Variants in OPCML observed in about 807,000 individuals in gnomAD.
OPCML encodes the protein opioid-binding protein/cell adhesion molecule.
A neutral mutation model predicts 37.8 loss-of-function variants in OPCML; 13 were observed. That is an observed-to-expected ratio of 0.34 (90% CI 0.22 to 0.55). The LOEUF (loss-of-function observed/expected upper bound fraction) is 0.55, where lower values mean the gene tolerates loss of function less well. OPCML is among the 20% of genes least tolerant of loss of function. The pLI is 0.91. For missense variants in OPCML, 341 were observed against 435.6 expected, an observed-to-expected ratio of 0.78 and a Z score of 1.93; for synonymous variants, 176 against 168.8, an observed-to-expected ratio of 1.04 and a Z score of -0.33.
At chr11:132,594,522 C>T (rs2096489503) in intron 3 of OPCML, among the ~76,000 whole-genome samples, 2 of 152,038 alleles carry the variant, frequency 1.3e-5, no homozygotes, top group Admixed American at 1.3e-4. Context: ...TTACATTCAA[C>T]CCTTTTGTAA....
intron 4 of OPCML, among the ~76,000 whole-genome samples, chr11:132,517,566 T>C (rs589721): frequency 0.41 from 61,782 of 152,160 alleles, 14,580 homozygotes; most frequent in Non-Finnish European, 0.55. Context: ...AGAGTCACTG[T>C]GGACCCACTG....
intron 1 of OPCML, among the ~76,000 whole-genome samples, chr11:133,040,637 G>A (rs761876132): frequency 1.4e-4 from 21 of 152,156 alleles, no homozygotes; most frequent in Non-Finnish European, 2.8e-4. Context: ...GAAGTGGCAG[G>A]ACATCGTCCA....
At chr11:133,509,256 T>A (rs920737175) in intron 1 of OPCML, among the ~76,000 whole-genome samples, 1 of 152,172 alleles carries the variant, frequency 6.6e-6, no homozygotes, top group African/African-American at 2.4e-5. Context: ...TTCTGTGATG[T>A]TCGCCTCCCT....
intron 1 of OPCML, among the ~76,000 whole-genome samples, chr11:133,436,636 A>T (rs1946239232): frequency 8.5e-5 from 13 of 152,204 alleles, no homozygotes; most frequent in Admixed American, 8.5e-4. Flanking sequence ...ACTAACTGTA[A>T]AAATGAAAGA....
chr11:132,756,580 T>C (rs1946056378), intron 2 of OPCML, among the ~76,000 whole-genome samples: 1 of 152,194 alleles, frequency 6.6e-6, no homozygotes, highest in Non-Finnish European at 1.5e-5. Context: ...TTGTGTTTCA[T>C]GCATATAATA....
chr11:133,207,757 T>C (rs531635093), intron 1 of OPCML, among the ~76,000 whole-genome samples: 1 of 152,304 alleles, frequency 6.6e-6, no homozygotes, highest in East Asian at 1.9e-4. Context: ...GATTGTCAAA[T>C]GCTATTTGGC....
At chr11:133,043,531 C>T (rs1434472943) in intron 1 of OPCML, among the ~76,000 whole-genome samples, 1 of 152,164 alleles carries the variant, frequency 6.6e-6, no homozygotes, top group Non-Finnish European at 1.5e-5. Context: ...AAATAGATTT[C>T]CAGCCTCACT....
chr11:132,420,070 A>T lies in OPCML; in HGVS notation c.*123T>A. 1 of 786,076 alleles carries T rather than the reference A, an allele frequency of 1.3e-6. No individual in the cohort carries two copies. Among genetic ancestry groups the T allele is most frequent in the Non-Finnish European group, 2.0e-6 (1 of 494,694 alleles). 48.7% of individuals were successfully genotyped at this position (786,076 alleles called of 1,614,324 possible). A position where few individuals can be genotyped will look rare whatever the true frequency, so the allele number is the denominator to read the frequency against. Reference sequence around the variant, plus strand: ...CAAACAAATAAACAAAAACAAAAAGAAAACAAATCTAGAATAACAGAAAAA... The same window carrying T: ...CAAACAAATAAACAAAAACAAAAAGTAAACAAATCTAGAATAACAGAAAAA... On this transcript the variant is annotated 3_prime_UTR_variant, in exon 8 of 8. Coordinates refer to ENST00000524381, the MANE Select transcript of OPCML (RefSeq NM_001012393.5).
intron 1 of OPCML, among the ~76,000 whole-genome samples, chr11:133,051,901 C>T (rs1948138764): frequency 6.6e-6 from 1 of 152,176 alleles, no homozygotes; most frequent in Admixed American, 6.5e-5. Context: ...CCCCAAACAG[C>T]TTTTTGTCAT....
chr11:133,216,733 A>G (rs2136352620), intron 1 of OPCML, among the ~76,000 whole-genome samples: 1 of 152,360 alleles, frequency 6.6e-6, no homozygotes, highest in South Asian at 2.1e-4. Context: ...TGCAAAGACT[A>G]TGGCTTATTA....
intron 2 of OPCML, among the ~76,000 whole-genome samples, chr11:132,778,761 A>G (rs558530156): frequency 7.2e-5 from 11 of 152,174 alleles, no homozygotes; most frequent in Non-Finnish European, 1.6e-4. Context: ...ATCAAGGCCT[A>G]TAGAAATTAA....
chr11:132,976,945 A>G (rs537159348), intron 1 of OPCML, among the ~76,000 whole-genome samples: 4 of 152,174 alleles, frequency 2.6e-5, no homozygotes, highest in African/African-American at 4.8e-5. Flanking sequence ...TGAAATTTTC[A>G]TTGTCTTGGG....
intron 1 of OPCML, among the ~76,000 whole-genome samples, chr11:133,465,011 G>A (rs6590706): frequency 0.21 from 32,361 of 152,106 alleles, 9,219 homozygotes; most frequent in African/African-American, 0.65. Flanking sequence ...TGGTATGTCT[G>A]TTCATTACCT....
intron 2 of OPCML, among the ~76,000 whole-genome samples, chr11:132,761,683 T>C (rs1452270461): frequency 1.3e-5 from 2 of 152,148 alleles, no homozygotes; most frequent in Non-Finnish European, 2.9e-5. Flanking sequence ...TTCTCTTAAC[T>C]GGTTATTCTA....
intron 1 of OPCML, among the ~76,000 whole-genome samples, chr11:133,058,489 T>A (rs775618687): frequency 7.2e-5 from 11 of 152,270 alleles, no homozygotes; most frequent in Non-Finnish European, 1.5e-4. Context: ...AGGTGTCACA[T>A]CGAGCATGCC....
At chr11:133,035,821 T>C (rs1397981802) in intron 1 of OPCML, among the ~76,000 whole-genome samples, 1 of 152,164 alleles carries the variant, frequency 6.6e-6, no homozygotes, top group Non-Finnish European at 1.5e-5. Context: ...ATGCCCATTC[T>C]ATAAATGGGA....
At chr11:132,670,772 T>C (rs1942439846) in intron 2 of OPCML, among the ~76,000 whole-genome samples, 1 of 152,200 alleles carries the variant, frequency 6.6e-6, no homozygotes. Context: ...TGGAGCATAG[T>C]GAATAGTCAA....
intron 2 of OPCML, among the ~76,000 whole-genome samples, chr11:132,832,113 C>A (rs1266519270): frequency 6.6e-6 from 1 of 152,030 alleles, no homozygotes; most frequent in Non-Finnish European, 1.5e-5. Flanking sequence ...CTTCTACCTG[C>A]AAGGCTTTCA....
rs376359139 is a variant in OPCML at position 132,848,728 on chromosome 11, C to T, written c.146+94198G>A. ...TAGTCCATAAAATATAAGGAGAGAC[C>T]TGGAATATCCAAATTCTTGTCCTTA... On this transcript the variant is annotated intron_variant, in intron 2 of 7. Transcript: ENST00000524381. Among the ~76,000 whole-genome samples the T allele has an allele frequency of 1.9e-4, 29 of 152,294 alleles. 1 individual carries two copies. The highest frequency in any genetic ancestry group is 6.7e-4 in the African/African-American group (28 of 41,568).
Sources: gnomAD v4.1 joint callset for allele counts (sites outside exome capture counted in the v4.1 genomes callset) on GRCh38, gnomAD v4.1.1 for gene constraint, MANE v1.5 for transcripts, NCBI Gene and HGNC (gene_info 2026-07-23, HGNC 2026-07-21) for gene names.